Variants in SRCAP observed in about 807,000 individuals in gnomAD.
SRCAP encodes the protein chromatin remodeling protein SRCAP.
Under a neutral mutation model 263.1 loss-of-function variants are expected in SRCAP, and 46 were observed. The observed-to-expected ratio is 0.17, with a 90% CI of 0.14 to 0.22. The LOEUF is 0.22. Ranked by LOEUF, SRCAP falls within the 10% of genes least tolerant of loss-of-function variation. The pLI is 1.00. For missense variants in SRCAP, 3,695 were observed against 4,181.9 expected (o/e 0.88, Z 3.21); for synonymous variants, 1,813 against 1,662.1 (o/e 1.09, Z -2.21).
rs1439458116 is a variant in SRCAP, at chr16:30,738,792, C to A, written c.8752C>A (p.Pro2918Thr). 1.2e-6 allele frequency: 2 copies of A among 1,613,684 alleles called. No homozygotes were observed. The highest frequency in any genetic ancestry group is 1.1e-5 in the South Asian group (1 of 90,992). ...ACCACAGCTTATTCCTGGGCCCCAG[C>A]CTCTTGGACCCCAGCCAGTTCACAG... ...LEPQLIPGPQ[P>T]LGPQPVHRPN... Residue 2918 changes from proline (P) to threonine (T), a missense_variant, in exon 34 of 34, where the codon CCT becomes ACT. Physicochemically the swap from Pro to Thr is conservative, Grantham distance 38. This residue lies in a region of SRCAP where 1,207 missense variants were observed against 1,142.9 expected (regional missense o/e 1.06). Coordinates refer to ENST00000262518, the MANE Select transcript of SRCAP (RefSeq NM_006662.3).
At chr16:30,707,146 T>G in intron 4 of SRCAP, 37 bp from the exon 5 acceptor site, 1 of 1,608,506 alleles carries the variant, frequency 6.2e-7, no homozygotes, top group Non-Finnish European at 8.5e-7. Flanking sequence ...GGAGTGTGTG[T>G]TTAGAACTGT....
chr16:30,729,498 C>A lies in SRCAP; in HGVS notation c.6053C>A (p.Ala2018Asp). ...TTGGCCTCTGAGCTCTGGCCCCGGG[C>A]TCGTCCTTTGCACCGTATTGTGTGT... ...EQLASELWPR[A>D]RPLHRIVCNM... The change falls in exon 27 of 34, where the codon GCT becomes GAT. Residue 2018 changes from alanine to aspartate, a missense_variant. Ala to Asp is a moderately radical substitution (Grantham distance 126). Coordinates refer to ENST00000262518, the MANE Select transcript of SRCAP (RefSeq NM_006662.3). 1 of 1,614,212 alleles carries A rather than the reference C, an allele frequency of 6.2e-7. No homozygotes were observed.
rs1410902160 is a variant in SRCAP at position 30,709,843 on chromosome 16, T to C, written c.857-8T>C. ...CGTGGACTTTGTGACCTTGTTCTCC[T>C]GCTATAGATGGGGACTTTCAACCCC... On this transcript the variant is annotated splice_polypyrimidine_tract_variant and splice_region_variant and intron_variant, in intron 7 of 33. Transcript: ENST00000262518. 1 of 1,613,666 alleles carries C rather than the reference T, an allele frequency of 6.2e-7. No individual in the cohort carries two copies. The highest frequency in any genetic ancestry group is 8.5e-7 in the Non-Finnish European group (1 of 1,179,724).
At position 30,710,780 on chromosome 16, in the gene SRCAP, A is replaced by G; in HGVS notation, c.1161A>G (p.Thr387=). ...LEIKPPPSAV[T]QRNKQPWHPD... is the part of the protein sequence containing the mutation. ...TAAAGCCCCCACCCTCTGCTGTCACACAGCGCAACAAACAGCCTTGGCATC... is the reference window on the plus strand; with the variant it reads ...TAAAGCCCCCACCCTCTGCTGTCACGCAGCGCAACAAACAGCCTTGGCATC... Residue 387 remains threonine, a synonymous_variant, in exon 9 of 34, where the codon ACA becomes ACG. Transcript: ENST00000262518. The G allele has an allele frequency of 3.1e-6, 5 of 1,614,172 alleles. No individual in the cohort carries two copies. Among genetic ancestry groups the G allele is most frequent in the Non-Finnish European group, 4.2e-6 (5 of 1,180,028 alleles).
intron 14 of SRCAP, 107 bp downstream of exon 14, chr16:30,712,922 T>C (rs2052907539): frequency 7.2e-7 from 1 of 1,393,044 alleles, no homozygotes; most frequent in Non-Finnish European, 9.6e-7. Flanking sequence ...TAAAAAAAAT[T>C]TTTTAATTTT....
chr16:30,729,648 G>C, intron 27 of SRCAP, 76 bp downstream of exon 27: 3 of 1,546,994 alleles, frequency 1.9e-6, no homozygotes, highest in Non-Finnish European at 2.7e-6. Flanking sequence ...TCAGAGGGAT[G>C]CTGCACTTAA....
At chr16:30,712,892 T>C (rs2052906387) in intron 14 of SRCAP, 77 bp downstream of exon 14, 2 of 1,524,944 alleles carry the variant, frequency 1.3e-6, no homozygotes, top group Non-Finnish European at 1.8e-6. Context: ...GGTGAATTCC[T>C]TTCTCTCCTC....
In SRCAP at chr16:30,737,981, T is replaced by C. The variant is rs1416422101; in HGVS notation, c.7941T>C (p.Ser2647=). ...PEGEELPLCV[S]ESNGLELPPS... is the part of the protein sequence containing the mutation. ...GTGAGGAGTTGCCCCTGTGTGTGAG[T>C]GAGAGCAATGGCCTGGAGCTCCCAC... The change falls in exon 34 of 34, where the codon AGT becomes AGC. Residue 2647 remains serine (S), a synonymous_variant. Coordinates refer to ENST00000262518, the MANE Select transcript of SRCAP (RefSeq NM_006662.3). 2 of 1,613,842 alleles carry C rather than the reference T, an allele frequency of 1.2e-6. No homozygotes were observed. Among genetic ancestry groups the C allele is most frequent in the African/African-American group, 1.3e-5 (1 of 74,844 alleles).
chr16:30,701,017 A>G, intron 3 of SRCAP, 139 bp downstream of exon 3: 1 of 764,620 alleles, frequency 1.3e-6, no homozygotes, highest in Non-Finnish European at 2.2e-6. Context: ...GTAGTATATC[A>G]GGTCTGTTGG....
intron 18 of SRCAP, among the ~76,000 whole-genome samples, chr16:30,718,904 T>C (rs1172694751): frequency 6.6e-6 from 1 of 151,990 alleles, no homozygotes; most frequent in Non-Finnish European, 1.5e-5. Context: ...TTACTACTTT[T>C]TTTTTTTTTT....
intron 10 of SRCAP, 48 bp from the exon 11 acceptor site, chr16:30,711,523 C>A: frequency 1.3e-6 from 2 of 1,534,754 alleles, no homozygotes; most frequent in South Asian, 2.6e-5. Flanking sequence ...CAGACCTCCC[C>A]TTCTCCCTCC....
Position 30,721,387 on chromosome 16 carries a change from C to A in SRCAP, c.3452C>A (p.Thr1151Lys), listed in dbSNP as rs767622045. 1 of 1,613,970 alleles carries A rather than the reference C, an allele frequency of 6.2e-7. No homozygotes were observed. The highest frequency in any genetic ancestry group is 8.5e-7 in the Non-Finnish European group (1 of 1,180,048). The change falls in exon 21 of 34, where the codon ACG (threonine) becomes AAG (lysine). Residue 1151 changes from threonine (T) to lysine (K), a missense_variant. By Grantham distance (78) the Thr-to-Lys change is moderately conservative. This residue lies in a region of SRCAP where 1,347 missense variants were observed against 1,304.4 expected (regional missense o/e 1.03). Coordinates refer to ENST00000262518, the MANE Select transcript of SRCAP (RefSeq NM_006662.3). ...GCTGCCACCACCACTTCTACCACCA[C>A]GGCAACTGCTACCACCACAGCAGTG... is the stretch of plus-strand genomic sequence containing the variant. The part of the protein sequence containing the change: ...PAAATTTSTT[T>K]ATATTTAVPA...
intron 8 of SRCAP, 125 bp downstream of exon 8, chr16:30,710,253 C>T: frequency 9.8e-7 from 1 of 1,020,576 alleles, no homozygotes; most frequent in Non-Finnish European, 1.4e-6. Flanking sequence ...GACATTTGGG[C>T]TCTTTGGGGA....
chr16:30,716,577 C>T (rs2052952991), intron 18 of SRCAP, 98 bp downstream of exon 18: 2 of 1,026,516 alleles, frequency 1.9e-6, no homozygotes, highest in Non-Finnish European at 2.9e-6. Context: ...TTTGCATCCT[C>T]ATGACTCCCC....
At position 30,715,925 on chromosome 16, in the gene SRCAP, G is replaced by C. The variant is rs2052944431; in HGVS notation, c.2494-141G>C. 5.7e-6 allele frequency: 6 copies of C among 1,050,466 alleles called. No homozygotes were observed. In the East Asian group the frequency reaches 1.5e-4, roughly 27 times the overall value. 65.1% of individuals were successfully genotyped at this position (1,050,466 alleles called of 1,614,324 possible). A position where few individuals can be genotyped will look rare whatever the true frequency, so the allele number is the denominator to read the frequency against. On this transcript the variant is annotated intron_variant, in intron 16 of 33. Coordinates refer to ENST00000262518, the MANE Select transcript of SRCAP (RefSeq NM_006662.3). ...CTTCAGCAGACAGCAGATCCCTTGA[G>C]GGCTTGCAGTTGACTCATCTTTGTG...
chr16:30,715,126 C>T (rs1009775283), intron 16 of SRCAP, among the ~76,000 whole-genome samples: 1 of 152,182 alleles, frequency 6.6e-6, no homozygotes, highest in Non-Finnish European at 1.5e-5. Context: ...GATCACTTGA[C>T]CTGTATTTAA....
Position 30,721,462 on chromosome 16 carries a change from A to C in SRCAP, c.3527A>C (p.Gln1176Pro). The C allele has an allele frequency of 6.2e-7, 1 of 1,610,210 alleles. No homozygotes were observed. The highest frequency in any genetic ancestry group is 1.1e-5 in the South Asian group (1 of 91,076). The change falls in exon 21 of 34, where the codon CAG becomes CCG. Residue 1176 changes from glutamine (Q) to proline (P), a missense_variant. Physicochemically the swap from Gln to Pro is moderately conservative, Grantham distance 76. Transcript: ENST00000262518. The part of the protein sequence containing the change: ...PQRLILSPDM[Q>P]ARLPSGEVVS... ...CGCCTCATTCTATCTCCCGATATGCAGGCTCGCCTGCCCTGTAAGTTCCCA... is the reference window on the plus strand; with the variant it reads ...CGCCTCATTCTATCTCCCGATATGCCGGCTCGCCTGCCCTGTAAGTTCCCA...
Position 30,716,460 on chromosome 16 carries a change from C to T in SRCAP, c.2798C>T (p.Thr933Met), listed in dbSNP as rs374240969. ...FSTASLVLRA[T>M]DVHPLQRIDM... ...ACCGCCTCTCTGGTGCTAAGGGCCA[C>T]GGATGTCCATCCCCTCCAGGTAAGT... Residue 933 changes from threonine (T) to methionine (M), a missense_variant, in exon 18 of 34, where the codon ACG becomes ATG. This residue lies in a region of SRCAP where 147 missense variants were observed against 212.7 expected (regional missense o/e 0.69). Coordinates refer to ENST00000262518, the MANE Select transcript of SRCAP (RefSeq NM_006662.3). 1.3e-5 allele frequency: 21 copies of T among 1,613,322 alleles called. No homozygotes were observed. The highest frequency in any genetic ancestry group is 3.3e-4 in the Middle Eastern group (2 of 6,082).
Position 30,723,796 on chromosome 16 carries a change from C to T in SRCAP, c.4372C>T (p.Pro1458Ser). Residue 1458 changes from proline to serine, a missense_variant, in exon 25 of 34, where the codon CCC becomes TCC. By Grantham distance (74) the Pro-to-Ser change is moderately conservative. Coordinates refer to ENST00000262518, the MANE Select transcript of SRCAP (RefSeq NM_006662.3). Reference protein sequence around the residue: ...PAPASAPLTIPISAPLTVSAS... With the variant: ...PAPASAPLTISISAPLTVSAS... ...CCCAGCCTCGGCTCCACTCACCATC[C>T]CCATCTCAGCCCCCTTGACTGTTTC... The T allele has an allele frequency of 1.2e-6, 2 of 1,614,100 alleles. No individual in the cohort carries two copies. The highest frequency in any genetic ancestry group is 1.7e-5 in the Admixed American group (1 of 60,026).
Sources: gnomAD v4.1 joint callset for allele counts (sites outside exome capture counted in the v4.1 genomes callset) on GRCh38, gnomAD v4.1.1 for gene constraint, gnomAD v4.1.1 regional missense constraint, MANE v1.5 for transcripts, NCBI Gene and HGNC (gene_info 2026-07-23, HGNC 2026-07-21) for gene names.